The following DPP6 variants were observed in gnomAD, a reference collection of about 807,000 sequenced individuals.
The protein encoded by DPP6 is A-type potassium channel modulatory protein DPP6.
In DPP6, 69 loss-of-function variants were observed where a neutral mutation model predicts 122.6. The observed-to-expected ratio is 0.56, with a 90% confidence interval of 0.46 to 0.69. The LOEUF (loss-of-function observed/expected upper bound fraction) is 0.69. DPP6 is among the 30% of genes least tolerant of loss of function. The probability of loss-of-function intolerance (pLI) is 0.00; values close to 1 mark genes in which losing one functional copy is unlikely to be tolerated. For synonymous variants in DPP6, 418 were observed against 433.1 expected (o/e 0.97, Z 0.43); for missense variants, 928 against 1,116.9 (o/e 0.83, Z 2.41).
the DPP6 span, among the ~76,000 whole-genome samples, chr7:153,758,531 C>T: frequency 6.6e-6 from 1 of 152,172 alleles, no homozygotes; most frequent in South Asian, 2.1e-4. Flanking sequence ...ATTCCACTAC[C>T]TTTTTCCATC....
intron 1 of DPP6, among the ~76,000 whole-genome samples, chr7:154,019,591 C>A (rs1798602902): frequency 6.6e-6 from 1 of 152,128 alleles, no homozygotes; most frequent in Admixed American, 6.6e-5. Context: ...CCAGAGATGT[C>A]TTATTACGAA....
chr7:154,497,801 G>T (rs976630148), intron 3 of DPP6, among the ~76,000 whole-genome samples: 2 of 151,976 alleles, frequency 1.3e-5, no homozygotes, highest in African/African-American at 2.4e-5. Flanking sequence ...AAAACAAAGG[G>T]TCGTCAATAT....
chr7:154,377,970 T>A (rs1036052678), intron 1 of DPP6, among the ~76,000 whole-genome samples: 3 of 152,242 alleles, frequency 2.0e-5, no homozygotes, highest in Non-Finnish European at 2.9e-5. Flanking sequence ...GGGAGCCTTG[T>A]CTTCATCCTA....
At chr7:154,647,476 AG>A (rs1202304796) in intron 6 of DPP6, among the ~76,000 whole-genome samples, 10 of 152,192 alleles carry the variant, frequency 6.6e-5, no homozygotes, top group Non-Finnish European at 1.3e-4. Flanking sequence ...TATTCAGTAA[AG>A]GGGTTATAGT....
At chr7:154,733,744 G>A (rs555478377) in intron 8 of DPP6, among the ~76,000 whole-genome samples, 11 of 152,254 alleles carry the variant, frequency 7.2e-5, no homozygotes, top group Non-Finnish European at 1.3e-4. Flanking sequence ...CCTGGGGATC[G>A]TGGAATGGTT....
chr7:154,288,324 G>A (rs546425092), intron 1 of DPP6, among the ~76,000 whole-genome samples: 48 of 152,212 alleles, frequency 3.2e-4, no homozygotes, highest in East Asian at 1.4e-3. Flanking sequence ...CATCAGGACC[G>A]AGGGAATATA....
At position 154,223,591 on chromosome 7, in the gene DPP6, G is replaced by A. The variant is rs1800426503; in HGVS notation, c.243+170528G>A. Among the ~76,000 whole-genome samples, 3 of 149,300 alleles carry A rather than the reference G, an allele frequency of 2.0e-5. 1 individual carries two copies. Among genetic ancestry groups the A allele is most frequent in the Admixed American group, 2.0e-4 (3 of 15,170 alleles). ...GATCAAATTGAAATCCGAAGGATGA[G>A]TAGAAGATGAAGAATGGTGAAAAGA... On this transcript the variant is annotated intron_variant, in intron 1 of 25. Coordinates refer to ENST00000377770, the MANE Select transcript of DPP6 (RefSeq NM_130797.4).
intron 1 of DPP6, among the ~76,000 whole-genome samples, chr7:154,307,949 C>T (rs147778625): frequency 6.6e-6 from 1 of 151,170 alleles, no homozygotes; most frequent in Non-Finnish European, 1.5e-5. Context: ...GGTCATTAAA[C>T]TGTGCTAACT....
intron 1 of DPP6, among the ~76,000 whole-genome samples, chr7:154,113,412 T>TATATATATATAC (rs1472172445): frequency 2.1e-5 from 3 of 141,826 alleles, no homozygotes; most frequent in East Asian, 2.3e-4. Flanking sequence ...TATATATATA[T>TATATATATATAC]ACACACACAC....
intron 10 of DPP6, among the ~76,000 whole-genome samples, chr7:154,784,299 C>T (rs552798065): frequency 2.6e-5 from 4 of 152,240 alleles, no homozygotes; most frequent in African/African-American, 4.8e-5. Context: ...AGCCAGACCT[C>T]GGCCCCAGCT....
At chr7:153,849,382 G>A in the DPP6 span, among the ~76,000 whole-genome samples, 7 of 151,396 alleles carry the variant, frequency 4.6e-5, no homozygotes, top group African/African-American at 7.3e-5. Context: ...TGAAGATGTC[G>A]TCCTTGCTGG....
intron 1 of DPP6, among the ~76,000 whole-genome samples, chr7:154,138,060 C>T (rs1254464078): frequency 6.6e-6 from 1 of 152,212 alleles, no homozygotes; most frequent in Non-Finnish European, 1.5e-5. Context: ...AGATGCCAGC[C>T]TGGCTTCTGC....
intron 1 of DPP6, among the ~76,000 whole-genome samples, chr7:154,255,684 C>T (rs1040506538): frequency 2.0e-5 from 3 of 152,310 alleles, no homozygotes; most frequent in South Asian, 4.1e-4. Flanking sequence ...AGTACATGGT[C>T]GGTCAATCCT....
At chr7:154,544,883 T>C (rs1829038833) in intron 4 of DPP6, among the ~76,000 whole-genome samples, 1 of 152,134 alleles carries the variant, frequency 6.6e-6, no homozygotes, top group African/African-American at 2.4e-5. Context: ...AGGATGATGA[T>C]GTCCAAAGGA....
At chr7:153,840,466 T>C in the DPP6 span, among the ~76,000 whole-genome samples, 3 of 151,698 alleles carry the variant, frequency 2.0e-5, no homozygotes, top group African/African-American at 7.2e-5. Flanking sequence ...AATAGGAATT[T>C]TCTGAGAGCA....
rs1396163510 is a variant in DPP6 at position 153,959,280 on chromosome 7, G to C, written c.51+71546G>C. ...GCACATAGCATGCTCGTTACTAATG[G>C]GTCCTAAATGAACCCCAGGTGTCCT... On this transcript the variant is annotated intron_variant, in intron 1 of 25. Coordinates refer to the DPP6 transcript ENST00000404039. 7.4e-5 allele frequency among the ~76,000 whole-genome samples: 10 copies of C among 134,992 alleles called. 1 individual carries two copies. The Admixed American group carries it at 7.7e-4, about 10-fold the overall frequency. 88.6% of individuals were successfully genotyped at this position (134,992 alleles called of 152,430 possible). A position where few individuals can be genotyped will look rare whatever the true frequency, so the allele number is the denominator to read the frequency against.
chr7:153,813,977 G>A, the DPP6 span, among the ~76,000 whole-genome samples: 2 of 152,086 alleles, frequency 1.3e-5, no homozygotes, highest in Non-Finnish European at 2.9e-5. Flanking sequence ...TAGGTTGCCT[G>A]TTCACTCTGA....
the DPP6 span, among the ~76,000 whole-genome samples, chr7:153,829,544 C>G: frequency 6.6e-6 from 1 of 152,170 alleles, no homozygotes; most frequent in Non-Finnish European, 1.5e-5. Context: ...CTCTCCTTCC[C>G]TGATATTTGG....
the DPP6 span, among the ~76,000 whole-genome samples, chr7:153,845,535 ACATTT>A: frequency 4.6e-5 from 7 of 151,808 alleles, no homozygotes; most frequent in African/African-American, 1.4e-4. Flanking sequence ...GATTTTTTTT[ACATTT>A]CATCTAAAAA....
Sources: allele counts gnomAD v4.1 joint callset (sites outside exome capture counted in the v4.1 genomes callset), GRCh38; gene constraint gnomAD v4.1.1; transcripts MANE v1.5; gene names NCBI Gene and HGNC (gene_info 2026-07-23, HGNC 2026-07-21).